The following CAPRIN1 variants were observed in gnomAD, a reference collection of about 807,000 sequenced individuals.
CAPRIN1 encodes cell cycle associated protein 1.
A neutral mutation model predicts 100.9 loss-of-function variants in CAPRIN1; 29 were observed. The ratio of observed to expected loss-of-function variants is 0.29; its 90% CI spans 0.21 to 0.39. The LOEUF is 0.39. Among genes scored for constraint, CAPRIN1 ranks in the 10% least tolerant of loss-of-function variants. The pLI is 1.00. For missense variants in CAPRIN1, 795 were observed against 876.7 expected (o/e 0.91, Z 1.18); for synonymous variants, 338 against 307.5 (o/e 1.10, Z -1.04).
intron 9 of CAPRIN1, among the ~76,000 whole-genome samples, 155 bp from the exon 10 acceptor site, chr11:34,085,909 A>G (rs949114096): frequency 6.6e-6 from 1 of 152,218 alleles, no homozygotes; most frequent in South Asian, 2.1e-4. Context: ...AGAATGTTAA[A>G]TTTGGCATAA....
chr11:34,056,093 C>T (rs1850443894), intron 2 of CAPRIN1, among the ~76,000 whole-genome samples: 1 of 152,130 alleles, frequency 6.6e-6, no homozygotes, highest in South Asian at 2.1e-4. Context: ...GTTTTGAATT[C>T]CTCTTTAGAA....
At chr11:34,087,261 T>C (rs1851164539) in intron 11 of CAPRIN1, among the ~76,000 whole-genome samples, 1 of 151,906 alleles carries the variant, frequency 6.6e-6, no homozygotes, top group African/African-American at 2.4e-5. Context: ...AAAGTATGTT[T>C]AATGACAGTT....
intron 2 of CAPRIN1, chr11:34,053,791 TTAAAA>T (rs1850388713): frequency 6.6e-6 from 1 of 152,326 alleles, no homozygotes; most frequent in East Asian, 1.9e-4. Flanking sequence ...GAGTGAATAA[TTAAAA>T]TGAGTAAGAT....
intron 4 of CAPRIN1, among the ~76,000 whole-genome samples, chr11:34,073,536 A>G (rs549826987): frequency 2.6e-5 from 4 of 152,090 alleles, no homozygotes; most frequent in Admixed American, 6.5e-5. Flanking sequence ...GCTCACTGCA[A>G]CCTCCGCCTC....
chr11:34,083,123 G>GT (rs1407728358), intron 9 of CAPRIN1, 82 bp downstream of exon 9: 126 of 932,578 alleles, frequency 1.4e-4, no homozygotes, highest in Non-Finnish European at 1.9e-4. Flanking sequence ...AATTAAGATT[G>GT]TTTTTTGCAT....
intron 2 of CAPRIN1, among the ~76,000 whole-genome samples, chr11:34,056,137 A>G (rs1850445085): frequency 6.6e-6 from 1 of 152,162 alleles, no homozygotes; most frequent in Non-Finnish European, 1.5e-5. Flanking sequence ...ACTATTTACA[A>G]TTAGATTTGT....
intron 2 of CAPRIN1, chr11:34,052,990 G>A: frequency 9.4e-7 from 1 of 1,062,480 alleles, no homozygotes; most frequent in Non-Finnish European, 1.1e-6. Flanking sequence ...CGTCTCTGAG[G>A]CCCGATTTCT....
chr11:34,061,969 CA>C (rs3073356), intron 2 of CAPRIN1, among the ~76,000 whole-genome samples: 4 of 118,202 alleles, frequency 3.4e-5, no homozygotes, highest in Non-Finnish European at 3.4e-5. Flanking sequence ...GAGTCTGTCT[CA>C]AAAAAAAAAA....
intron 2 of CAPRIN1, among the ~76,000 whole-genome samples, chr11:34,069,633 G>C (rs1008626654): frequency 1.3e-5 from 2 of 151,686 alleles, no homozygotes; most frequent in Non-Finnish European, 2.9e-5. Context: ...CCTGGGGTCA[G>C]GTCTGTCATA....
chr11:34,088,270 T>C (rs751569335), intron 11 of CAPRIN1, among the ~76,000 whole-genome samples: 1 of 152,178 alleles, frequency 6.6e-6, no homozygotes, highest in South Asian at 2.1e-4. Context: ...CCCAAAGTGC[T>C]GGGATTACAA....
intron 15 of CAPRIN1, among the ~76,000 whole-genome samples, chr11:34,092,928 C>T (rs894844104): frequency 6.6e-6 from 1 of 152,006 alleles, no homozygotes; most frequent in Non-Finnish European, 1.5e-5. Flanking sequence ...GCATAACTCA[C>T]TGCAGCCTCA....
chr11:34,057,982 A>C (rs1263285728), intron 2 of CAPRIN1, among the ~76,000 whole-genome samples: 1 of 151,948 alleles, frequency 6.6e-6, no homozygotes, highest in Non-Finnish European at 1.5e-5. Flanking sequence ...CAGCCTCCAA[A>C]GTGTTGGGAT....
chr11:34,058,937 G>A (rs2421457), intron 2 of CAPRIN1, among the ~76,000 whole-genome samples: 15,556 of 152,124 alleles, frequency 0.1, 864 homozygotes, highest in African/African-American at 0.15. Context: ...TTTTTTGGTA[G>A]TTGGTTCCTT....
At chr11:34,072,355 A>G (rs951747388) in intron 4 of CAPRIN1, among the ~76,000 whole-genome samples, 7 of 152,090 alleles carry the variant, frequency 4.6e-5, no homozygotes, top group African/African-American at 1.2e-4. Context: ...AATTTTTTTA[A>G]AAGGACCAAG....
In CAPRIN1 at chr11:34,076,452, C is replaced by A; in HGVS notation, c.583C>A (p.Pro195Thr). The A allele has an allele frequency of 6.2e-7, 1 of 1,613,682 alleles. No individual in the cohort carries two copies. The highest frequency in any genetic ancestry group is 8.5e-7 in the Non-Finnish European group (1 of 1,179,684). The change falls in exon 5 of 19, where the codon CCT becomes ACT. Residue 195 changes from proline to threonine, a missense_variant. Coordinates refer to ENST00000341394, the MANE Select transcript of CAPRIN1 (RefSeq NM_005898.5). ...GGATGAATTCTATAAGCTAGTAGAC[C>A]CTGAACGGGACATGAGCTTGAGGTA... ...LLDEFYKLVDPERDMSLRLNE... is the reference protein window; with the variant it reads ...LLDEFYKLVDTERDMSLRLNE...
chr11:34,071,361 T>A (rs1220443945), intron 2 of CAPRIN1, among the ~76,000 whole-genome samples: 1 of 152,032 alleles, frequency 6.6e-6, no homozygotes, highest in Non-Finnish European at 1.5e-5. Context: ...GTCAGGAGTT[T>A]GAGATCAGCC....
At chr11:34,090,780 C>A in intron 14 of CAPRIN1, 102 bp downstream of exon 14, 1 of 960,102 alleles carries the variant, frequency 1.0e-6, no homozygotes, top group Non-Finnish European at 1.6e-6. Context: ...CTTGAGTCTG[C>A]ATCTTTCATT....
At chr11:34,079,501 T>C (rs1045163498) in intron 6 of CAPRIN1, 127 bp from the exon 7 acceptor site, 2 of 652,942 alleles carry the variant, frequency 3.1e-6, no homozygotes, top group Non-Finnish European at 5.2e-6. Context: ...AATGTAATCT[T>C]TTTATGTGTA....
intron 7 of CAPRIN1, 97 bp downstream of exon 7, chr11:34,079,862 G>A (rs956645509): frequency 9.9e-7 from 1 of 1,007,180 alleles, no homozygotes; most frequent in Non-Finnish European, 1.4e-6. Flanking sequence ...TTTCATATAT[G>A]TACACTAGAT....
Sources: allele counts gnomAD v4.1 joint callset (sites outside exome capture counted in the v4.1 genomes callset), GRCh38; gene constraint gnomAD v4.1.1; transcripts MANE v1.5; gene names NCBI Gene and HGNC (gene_info 2026-07-23, HGNC 2026-07-21).